Variants in MVB12B observed in about 807,000 individuals in gnomAD.
MVB12B encodes ESCRT-I complex subunit MVB12B.
Under a neutral mutation model 41.6 loss-of-function variants are expected in MVB12B, and 16 were observed. That is an observed-to-expected ratio of 0.38 (90% CI 0.26 to 0.58). The LOEUF (loss-of-function observed/expected upper bound fraction) is 0.58, where lower values mean the gene tolerates loss of function less well. MVB12B is among the 20% of genes least tolerant of loss of function. MVB12B has a pLI of 0.62. For missense variants in MVB12B, 274 were observed against 380.2 expected (o/e 0.72, Z 2.32); for synonymous variants, 133 against 139.7 (o/e 0.95, Z 0.34).
intron 9 of MVB12B, among the ~76,000 whole-genome samples, chr9:126,502,791 C>T (rs891082257): frequency 1.6e-4 from 25 of 152,360 alleles, no homozygotes; most frequent in African/African-American, 5.0e-4. Flanking sequence ...AATCTACCCT[C>T]ACCAGCAGGG....
In MVB12B at chr9:126,478,224, G is replaced by C. The variant is rs865798548; in HGVS notation, c.758-3145G>C. On this transcript the variant is annotated intron_variant, in intron 7 of 9. Transcript: ENST00000361171. This position sits in a 1 kb window ranked among gnomAD's most constrained non-coding sequence, Gnocchi z 4.2. Reference sequence around the variant, plus strand: ...CCTAGTTCCTAGAAGTGATTCCCAGGCTTCTTCCATCCATGGCTTTCATCT... The same window carrying C: ...CCTAGTTCCTAGAAGTGATTCCCAGCCTTCTTCCATCCATGGCTTTCATCT... Among the ~76,000 whole-genome samples the C allele has an allele frequency of 6.6e-6, 1 of 152,108 alleles. No individual in the cohort carries two copies. Among genetic ancestry groups the C allele is most frequent in the Non-Finnish European group, 1.5e-5 (1 of 68,016 alleles).
intron 7 of MVB12B, 91 bp from the exon 8 acceptor site, chr9:126,481,278 C>T: frequency 9.2e-7 from 1 of 1,092,740 alleles, no homozygotes; most frequent in East Asian, 2.3e-5. Flanking sequence ...GTGACGGATT[C>T]ATATTCTCTG....
At chr9:126,352,659 C>G (rs1171057180) in intron 2 of MVB12B, among the ~76,000 whole-genome samples, 1 of 152,186 alleles carries the variant, frequency 6.6e-6, no homozygotes, top group Non-Finnish European at 1.5e-5. Flanking sequence ...ATTATTTCAC[C>G]TTTCAGAGTC....
At chr9:126,335,673 C>T (rs928085041) in intron 1 of MVB12B, among the ~76,000 whole-genome samples, 1 of 152,224 alleles carries the variant, frequency 6.6e-6, no homozygotes, top group African/African-American at 2.4e-5. Context: ...TACTGGGGGA[C>T]AACCCATTTC....
At chr9:126,385,112 C>T (rs10819152) in intron 3 of MVB12B, among the ~76,000 whole-genome samples, 25,524 of 152,098 alleles carry the variant, frequency 0.17, 2,859 homozygotes, top group East Asian at 0.44. Context: ...GTTGGGATTA[C>T]AGGCATGAGC....
chr9:126,491,059 CT>C (rs202166296), intron 9 of MVB12B, among the ~76,000 whole-genome samples: 1 of 152,150 alleles, frequency 6.6e-6, no homozygotes, highest in East Asian at 1.9e-4. Context: ...GAGCTGACAT[CT>C]TTATGTGTTT....
chr9:126,497,344 A>C (rs1259908413), intron 9 of MVB12B, among the ~76,000 whole-genome samples: 3 of 152,142 alleles, frequency 2.0e-5, no homozygotes, highest in African/African-American at 7.2e-5. Context: ...TTAGGAAAAC[A>C]GAAGTAGCTT....
intron 9 of MVB12B, among the ~76,000 whole-genome samples, chr9:126,498,402 T>C (rs1186001778): frequency 2.0e-5 from 3 of 152,200 alleles, no homozygotes; most frequent in Non-Finnish European, 4.4e-5. Flanking sequence ...CACCAGACTC[T>C]TCTCGTTGGC....
chr9:126,493,391 C>T (rs1276752154), intron 9 of MVB12B, among the ~76,000 whole-genome samples: 1 of 152,114 alleles, frequency 6.6e-6, no homozygotes. Context: ...TTCCGTTCTG[C>T]TCTGTTATTC....
At chr9:126,470,664 G>GTGTT (rs765694755) in intron 7 of MVB12B, among the ~76,000 whole-genome samples, 21 of 143,134 alleles carry the variant, frequency 1.5e-4, no homozygotes, top group Non-Finnish European at 2.9e-4. Context: ...GTGTGTGTGT[G>GTGTT]TGTGTGTGTG....
At chr9:126,431,161 G>A (rs535437869) in intron 7 of MVB12B, among the ~76,000 whole-genome samples, 27 of 152,356 alleles carry the variant, frequency 1.8e-4, no homozygotes, top group African/African-American at 6.5e-4. Context: ...ACTTCTCAGA[G>A]TGCTCAGAGG....
At chr9:126,408,846 G>C (rs1831528488) in intron 6 of MVB12B, among the ~76,000 whole-genome samples, 1 of 152,204 alleles carries the variant, frequency 6.6e-6, no homozygotes, top group African/African-American at 2.4e-5. Context: ...TCACCAAGCT[G>C]ATGTATAGTT....
chr9:126,332,397 G>A (rs573854413), intron 1 of MVB12B, among the ~76,000 whole-genome samples: 126 of 152,326 alleles, frequency 8.3e-4, no homozygotes, highest in Non-Finnish European at 1.6e-3. Context: ...GAGAACCTGA[G>A]GATAGGGAAT....
intron 9 of MVB12B, among the ~76,000 whole-genome samples, chr9:126,497,572 CCAGGCCCAGCTA>C (rs1469489038): frequency 6.6e-6 from 1 of 152,122 alleles, no homozygotes; most frequent in Non-Finnish European, 1.5e-5. Flanking sequence ...GCCCTGAGCT[CCAGGCCCAGCTA>C]CAGGGCCTCG....
chr9:126,370,963 G>A (rs574927741), intron 2 of MVB12B, among the ~76,000 whole-genome samples: 1 of 152,166 alleles, frequency 6.6e-6, no homozygotes, highest in Non-Finnish European at 1.5e-5. Context: ...AAGTTTGGAA[G>A]TTTTGCTTTT....
At chr9:126,461,941 C>T (rs1833100505) in intron 7 of MVB12B, among the ~76,000 whole-genome samples, 2 of 152,238 alleles carry the variant, frequency 1.3e-5, no homozygotes, top group South Asian at 4.1e-4. Context: ...TTTTTCATTT[C>T]CCTGACGTTA....
At chr9:126,331,324 T>C (rs1016553198) in intron 1 of MVB12B, among the ~76,000 whole-genome samples, 1 of 152,198 alleles carries the variant, frequency 6.6e-6, no homozygotes. Context: ...GTAATGAGTA[T>C]AAGGTGAGAT....
At chr9:126,479,437 T>A (rs10819167) in intron 7 of MVB12B, among the ~76,000 whole-genome samples, 63,611 of 151,946 alleles carry the variant, frequency 0.42, 13,816 homozygotes, top group East Asian at 0.7. Context: ...ATTGCTGAAC[T>A]TTTTCATCTG....
intron 1 of MVB12B, among the ~76,000 whole-genome samples, chr9:126,338,240 G>C (rs2118812669): frequency 6.6e-6 from 1 of 152,360 alleles, no homozygotes; most frequent in Non-Finnish European, 1.5e-5. Context: ...AGCTCTGCAG[G>C]GCCCTCTGGC....
Sources: gnomAD v4.1 joint callset for allele counts (sites outside exome capture counted in the v4.1 genomes callset) on GRCh38, gnomAD v4.1.1 for gene constraint, Gnocchi (gnomAD v3.1) non-coding constraint, MANE v1.5 for transcripts, NCBI Gene and HGNC (gene_info 2026-07-23, HGNC 2026-07-21) for gene names.